The following GPC5 variants were observed in gnomAD, a reference collection of about 807,000 sequenced individuals.
GPC5 encodes glypican 5.
Under a neutral mutation model 53.9 loss-of-function variants are expected in GPC5, and 47 were observed. That is an observed-to-expected ratio of 0.87 (90% CI 0.69 to 1.11). GPC5 has a LOEUF of 1.11. Ranked by LOEUF, GPC5 falls within the 50% of genes most tolerant of loss-of-function variation. The probability of loss-of-function intolerance (pLI) is 0.00; values close to 1 mark genes in which losing one functional copy is unlikely to be tolerated. For synonymous variants in GPC5, 286 were observed against 263.3 expected, an observed-to-expected ratio of 1.09 and a Z score of -0.84; for missense variants, 748 against 713.1, an observed-to-expected ratio of 1.05 and a Z score of -0.56.
intron 2 of GPC5, among the ~76,000 whole-genome samples, chr13:91,679,767 TTAAATA>T (rs1469794345): frequency 6.6e-6 from 1 of 152,214 alleles, no homozygotes; most frequent in African/African-American, 2.4e-5. Context: ...TTATTGACTG[TTAAATA>T]TAAACTCTCA....
chr13:91,944,676 C>T (rs2039958893), intron 6 of GPC5, among the ~76,000 whole-genome samples: 1 of 152,134 alleles, frequency 6.6e-6, no homozygotes, highest in Non-Finnish European at 1.5e-5. Context: ...GCATTTAATG[C>T]TTACCTCTTG....
intron 5 of GPC5, among the ~76,000 whole-genome samples, chr13:91,784,027 T>C (rs952416338): frequency 2.0e-5 from 3 of 152,186 alleles, no homozygotes; most frequent in African/African-American, 7.2e-5. Context: ...GATATAATTT[T>C]TAGGAAGTAC....
At chr13:92,606,004 A>G (rs1884244445) in intron 7 of GPC5, among the ~76,000 whole-genome samples, 1 of 152,206 alleles carries the variant, frequency 6.6e-6, no homozygotes, top group South Asian at 2.1e-4. Context: ...TTTCAAAGCT[A>G]TTTTAAGAAG....
chr13:92,316,334 G>C (rs1261994933), intron 7 of GPC5, among the ~76,000 whole-genome samples: 5 of 152,090 alleles, frequency 3.3e-5, no homozygotes, highest in Non-Finnish European at 5.9e-5. Flanking sequence ...AAATTAGGAG[G>C]AAGGTAATAC....
intron 7 of GPC5, among the ~76,000 whole-genome samples, chr13:92,183,466 G>T (rs2042162124): frequency 6.6e-6 from 1 of 151,986 alleles, no homozygotes; most frequent in African/African-American, 2.4e-5. Context: ...ATCCAGTCCT[G>T]CATAAGTGTG....
rs191550245 is a variant in GPC5 at position 91,648,211 on chromosome 13, T to A, written c.326-44976T>A. Among the ~76,000 whole-genome samples, 14 of 152,312 alleles carry A rather than the reference T, an allele frequency of 9.2e-5. No homozygotes were observed. In the East Asian group the frequency reaches 2.5e-3, roughly 27 times the overall value. On this transcript the variant is annotated intron_variant, in intron 2 of 7. Coordinates refer to ENST00000377067, the MANE Select transcript of GPC5 (RefSeq NM_004466.6). ...CCTTTTCATTCATTTATCAAACATT[T>A]ATTACAAATTGATTTTATGTCAGGC...
chr13:92,314,066 A>AT (rs1336029912), intron 7 of GPC5, among the ~76,000 whole-genome samples: 3 of 152,058 alleles, frequency 2.0e-5, no homozygotes, highest in Admixed American at 6.6e-5. Context: ...AGGTTCACAG[A>AT]TTTTTTTTGT....
chr13:92,468,393 T>TAG (rs1878784402), intron 7 of GPC5, among the ~76,000 whole-genome samples: 1 of 152,122 alleles, frequency 6.6e-6, no homozygotes, highest in Non-Finnish European at 1.5e-5. Flanking sequence ...AATGCAGATT[T>TAG]AGAGAGCCTG....
At chr13:91,752,362 G>A (rs2140113105) in intron 4 of GPC5, among the ~76,000 whole-genome samples, 1 of 152,260 alleles carries the variant, frequency 6.6e-6, no homozygotes, top group South Asian at 2.1e-4. Context: ...TGGGATTATA[G>A]GCGTGAGCCA....
At chr13:91,687,206 C>T (rs1298032229) in intron 2 of GPC5, among the ~76,000 whole-genome samples, 5 of 151,882 alleles carry the variant, frequency 3.3e-5, no homozygotes, top group Middle Eastern at 3.2e-3. Flanking sequence ...TGTGACTCTT[C>T]GGTTTCTCTC....
intron 7 of GPC5, among the ~76,000 whole-genome samples, chr13:92,797,018 A>G (rs1359272403): frequency 6.6e-6 from 1 of 151,990 alleles, no homozygotes; most frequent in Non-Finnish European, 1.5e-5. Flanking sequence ...TTCTGAGACC[A>G]CAAAACTCAC....
At chr13:92,302,153 C>T (rs1475150930) in intron 7 of GPC5, among the ~76,000 whole-genome samples, 1 of 152,088 alleles carries the variant, frequency 6.6e-6, no homozygotes, top group Non-Finnish European at 1.5e-5. Context: ...ATACTTTAGT[C>T]ACCCATTCCA....
chr13:92,524,202 T>C (rs1881184340), intron 7 of GPC5, among the ~76,000 whole-genome samples: 1 of 152,112 alleles, frequency 6.6e-6, no homozygotes, highest in Non-Finnish European at 1.5e-5. Flanking sequence ...AAACTTTGAA[T>C]CCTTTCAAAC....
chr13:92,690,598 T>C (rs1309729403), intron 7 of GPC5, among the ~76,000 whole-genome samples: 237 of 144,858 alleles, frequency 1.6e-3, no homozygotes, highest in Middle Eastern at 7.0e-3. Context: ...AGCTTTGTTC[T>C]GTTGCTGGTG....
At chr13:92,691,771 G>GTT (rs539712882) in intron 7 of GPC5, among the ~76,000 whole-genome samples, 105 of 142,848 alleles carry the variant, frequency 7.4e-4, no homozygotes, top group Middle Eastern at 3.7e-3. Flanking sequence ...TGGTTTTAGG[G>GTT]TTTTTTTTTT....
At chr13:92,247,062 A>G (rs1274761636) in intron 7 of GPC5, among the ~76,000 whole-genome samples, 2 of 152,270 alleles carry the variant, frequency 1.3e-5, no homozygotes, top group South Asian at 4.1e-4. Flanking sequence ...GTGTTCACAG[A>G]CTTGTGCAGG....
chr13:92,848,367 G>A (rs952309889), intron 7 of GPC5, among the ~76,000 whole-genome samples: 1 of 152,000 alleles, frequency 6.6e-6, no homozygotes, highest in African/African-American at 2.4e-5. Flanking sequence ...CATGAATTCT[G>A]TGAGTTTATG....
intron 6 of GPC5, among the ~76,000 whole-genome samples, chr13:92,102,746 G>C (rs1022118752): frequency 6.6e-6 from 1 of 152,198 alleles, no homozygotes; most frequent in African/African-American, 2.4e-5. Flanking sequence ...GTAGATGTTA[G>C]TGTAGGGTTG....
intron 6 of GPC5, among the ~76,000 whole-genome samples, chr13:91,957,201 T>C (rs953843454): frequency 4.6e-5 from 7 of 152,056 alleles, no homozygotes; most frequent in African/African-American, 1.7e-4. Context: ...TTTGAAACTT[T>C]CAACAATAAA....
Sources: allele counts gnomAD v4.1 joint callset (sites outside exome capture counted in the v4.1 genomes callset), GRCh38; gene constraint gnomAD v4.1.1; transcripts MANE v1.5; gene names NCBI Gene and HGNC (gene_info 2026-07-23, HGNC 2026-07-21).